RAVER1: variants seen among roughly 807,000 people sequenced by gnomAD.
The protein encoded by RAVER1 is ribonucleoprotein PTB-binding 1.
RAVER1 carries 36 observed loss-of-function variants against 68.4 expected under a neutral mutation model. That is an observed-to-expected ratio of 0.53 (90% confidence interval 0.40 to 0.70). The LOEUF (loss-of-function observed/expected upper bound fraction) is 0.70. RAVER1 is among the 30% of genes least tolerant of loss of function. The pLI is 0.00. For synonymous variants in RAVER1, 469 were observed against 472.7 expected, an observed-to-expected ratio of 0.99 and a Z score of 0.10; for missense variants, 933 against 1,019.8, an observed-to-expected ratio of 0.91 and a Z score of 1.16.
chr19:10,317,671 CCCCACCCCCTG>C lies in RAVER1; in HGVS notation c.2073+8_2073+18del. 3 of 1,553,900 alleles carry C rather than the reference CCCCACCCCCTG, an allele frequency of 1.9e-6. No homozygotes were observed. Among genetic ancestry groups the C allele is most frequent in the Non-Finnish European group, 1.7e-6 (2 of 1,144,810 alleles). On this transcript the variant is annotated splice_region_variant and intron_variant, in intron 12 of 12. Coordinates refer to ENST00000617231, the MANE Select transcript of RAVER1 (RefSeq NM_133452.3). The surrounding 1 kb of genome is among the most constrained non-coding windows in gnomAD (Gnocchi z 4.3). Reference sequence around the variant, plus strand: ...GCCGGGGCTTCCCAGCCCTGCATGTCCCCACCCCCTGCCCGTACCTTCAGCAGGTGGCTGTG... The same window carrying C: ...GCCGGGGCTTCCCAGCCCTGCATGTCCCCGTACCTTCAGCAGGTGGCTGTG...
chr19:10,329,022 G>A lies in RAVER1; in HGVS notation c.376C>T (p.Gln126Ter). The A allele has an allele frequency of 6.4e-7, 1 of 1,564,916 alleles. No homozygotes were observed. The highest frequency in any genetic ancestry group is 8.7e-7 in the Non-Finnish European group (1 of 1,152,542). The change falls in exon 3 of 13, where the codon CAG (glutamine) becomes TAG (stop). Residue 126 changes from glutamine (Q) to a stop codon, truncating the protein, a stop_gained. Transcript: ENST00000617231. LOFTEE classifies it high-confidence loss of function. This position sits in a 1 kb window ranked among gnomAD's most constrained non-coding sequence, Gnocchi z 4.6. ...SRLRERELSV[Q>*]LQPTDALLCV... is the part of the protein sequence containing the mutation. ...AGCAGGGCATCCGTGGGCTGCAGCTGCACCGACAGTTCACGCTCCCGCAGG... is the reference window on the plus strand; with the variant it reads ...AGCAGGGCATCCGTGGGCTGCAGCTACACCGACAGTTCACGCTCCCGCAGG...
chr19:10,332,021 G>A lies in RAVER1; in HGVS notation c.219+1268C>T, dbSNP rs180723333. 1.1e-3 allele frequency among the ~76,000 whole-genome samples: 164 copies of A among 152,172 alleles called. 2 individuals carry two copies. Among genetic ancestry groups the A allele is most frequent in the African/African-American group, 3.8e-3 (158 of 41,530 alleles). ...TATTTTTCTTTTTTTTAGAGATAGTGTCTTGTTCTGTCACCTAGGCTAGAG... is the reference window on the plus strand; with the variant it reads ...TATTTTTCTTTTTTTTAGAGATAGTATCTTGTTCTGTCACCTAGGCTAGAG... On this transcript the variant is annotated intron_variant, in intron 1 of 12. Transcript: ENST00000617231.
Position 10,323,446 on chromosome 19 carries a change from G to C in RAVER1, c.877C>G (p.Arg293Gly), listed in dbSNP as rs1269613831. ...DGLSLGGSHL[R>G]VSFCAPGPPG... The stretch of plus-strand genomic sequence containing the variant: ...GGCCCAGGGGCGCAGAAGGAGACTC[G>C]CAGGTGGCTGCCCCCCAGGGACAGG... Residue 293 changes from arginine (R) to glycine (G), a missense_variant, in exon 4 of 13, where the codon CGA becomes GGA. By Grantham distance (125) the Arg-to-Gly change is moderately radical. Coordinates refer to ENST00000617231, the MANE Select transcript of RAVER1 (RefSeq NM_133452.3). This position sits in a 1 kb window ranked among gnomAD's most constrained non-coding sequence, Gnocchi z 6.2. 7.5e-6 allele frequency: 12 copies of C among 1,609,376 alleles called. No individual in the cohort carries two copies. Among genetic ancestry groups the C allele is most frequent in the Non-Finnish European group, 1.0e-5 (12 of 1,179,224 alleles).
At chr19:10,324,170 A>G (rs909355030) in intron 3 of RAVER1, among the ~76,000 whole-genome samples, 5 of 151,608 alleles carry the variant, frequency 3.3e-5, no homozygotes, top group African/African-American at 1.2e-4. Context: ...AAAAAAAAAA[A>G]AAGAGATAAT....
In RAVER1 at chr19:10,319,156, T is replaced by G; in HGVS notation, c.1845+10A>C. 1.2e-6 allele frequency: 2 copies of G among 1,613,508 alleles called. No individual in the cohort carries two copies. The highest frequency in any genetic ancestry group is 1.7e-6 in the Non-Finnish European group (2 of 1,179,504). Reference sequence around the variant, plus strand: ...TGATTGCTACACATGCCATACCAGGTGGCTCTTACCTTGTGTCGGCTGGGT... The same window carrying G: ...TGATTGCTACACATGCCATACCAGGGGGCTCTTACCTTGTGTCGGCTGGGT... On this transcript the variant is annotated intron_variant, in intron 10 of 12. Coordinates refer to ENST00000617231, the MANE Select transcript of RAVER1 (RefSeq NM_133452.3).
At chr19:10,319,037 C>T in intron 10 of RAVER1, 129 bp downstream of exon 10, 1 of 806,880 alleles carries the variant, frequency 1.2e-6, no homozygotes, top group East Asian at 3.0e-5. Context: ...ACAGTGAGAT[C>T]CTGTCTTAAA....
In RAVER1 at chr19:10,320,934, C is replaced by T; in HGVS notation, c.1491G>A (p.Glu497=). The T allele has an allele frequency of 6.7e-7, 1 of 1,493,634 alleles. No individual in the cohort carries two copies. The highest frequency in any genetic ancestry group is 8.9e-7 in the Non-Finnish European group (1 of 1,127,514). 92.5% of individuals were successfully genotyped at this position (1,493,634 alleles called of 1,614,324 possible). Residue 497 remains glutamate (E), a synonymous_variant, in exon 9 of 13, where the codon GAG becomes GAA. Coordinates refer to ENST00000617231, the MANE Select transcript of RAVER1 (RefSeq NM_133452.3). ...GGGGAATCCGGTAGTCCTTGGGGGG[C>T]TCCCCCAGCAGTGAGACCTGTGGCG... The part of the protein sequence containing the change: ...PTPPGVSLLG[E]PPKDYRIPLN...
At chr19:10,331,846 T>A (rs1047865317) in intron 1 of RAVER1, among the ~76,000 whole-genome samples, 1 of 152,086 alleles carries the variant, frequency 6.6e-6, no homozygotes, top group Non-Finnish European at 1.5e-5. Flanking sequence ...AGTGAAGAGA[T>A]CTGCTGGAGG....
Position 10,316,690 on chromosome 19 carries a change from G to A in RAVER1, c.*764C>T. 1 of 461,266 alleles carries A rather than the reference G, an allele frequency of 2.2e-6. No homozygotes were observed. Among genetic ancestry groups the A allele is most frequent in the South Asian group, 9.2e-5 (1 of 10,898 alleles). The allele number at this position is 461,266 out of a possible 1,614,324, so 28.6% of individuals were successfully genotyped here. ...CCCCTTCTACTGTCCCCAGGGTGGA[G>A]ATCCTGGGTAGGGTGGCCCAATCCC... On this transcript the variant is annotated 3_prime_UTR_variant, in exon 13 of 13. Transcript: ENST00000617231.
chr19:10,318,419 A>C (rs896855656), intron 10 of RAVER1, 47 bp from the exon 11 acceptor site: 8 of 1,460,076 alleles, frequency 5.5e-6, no homozygotes, highest in Non-Finnish European at 7.4e-6. Flanking sequence ...TGTAGTACCC[A>C]GCCCTTTGTA....
chr19:10,330,734 C>T (rs900106336), intron 1 of RAVER1, among the ~76,000 whole-genome samples: 7 of 152,216 alleles, frequency 4.6e-5, no homozygotes, highest in Non-Finnish European at 8.8e-5. Flanking sequence ...TAGCTGCAGA[C>T]TGTGCTATTA....
At position 10,333,386 on chromosome 19, in the gene RAVER1, G is replaced by A. The variant is rs966143215; in HGVS notation, c.122C>T (p.Pro41Leu). The change falls in exon 1 of 13, where the codon CCA becomes CTA. Residue 41 changes from proline (P) to leucine (L), a missense_variant. This residue lies in a region of RAVER1 where 211 missense variants were observed against 230.0 expected (regional missense o/e 0.92). Transcript: ENST00000617231. The surrounding 1 kb of genome is among the most constrained non-coding windows in gnomAD (Gnocchi z 4.2). ...APEEELPPLDPEEIRKRLEHT... is the reference protein window; with the variant it reads ...APEEELPPLDLEEIRKRLEHT... The stretch of plus-strand genomic sequence containing the variant: ...TTCCAGGCGTTTCCGGATCTCTTCT[G>A]GATCTAGAGGCGGCAGCTCTTCTTC... 5.6e-6 allele frequency: 9 copies of A among 1,613,886 alleles called. No homozygotes were observed. Among genetic ancestry groups the A allele is most frequent in the Non-Finnish European group, 7.6e-6 (9 of 1,179,790 alleles).
chr19:10,332,644 C>T (rs552677347), intron 1 of RAVER1, among the ~76,000 whole-genome samples: 109 of 152,312 alleles, frequency 7.2e-4, no homozygotes, highest in Middle Eastern at 3.4e-3. Context: ...AGCGCTGCCC[C>T]ATGCTGGCCC....
Position 10,319,192 on chromosome 19 carries a change from C to G in RAVER1, c.1819G>C (p.Gly607Arg). 2 of 1,613,870 alleles carry G rather than the reference C, an allele frequency of 1.2e-6. No individual in the cohort carries two copies. Among genetic ancestry groups the G allele is most frequent in the South Asian group, 1.1e-5 (1 of 91,084 alleles). ...TTGTGTCGGCTGGGTCCGTGAGGCC[C>G]AAGGGCTGGTTCCCGTGGGTGGGAG... ...LFSHPREPAL[G>R]PHGPSRHKMS... The change falls in exon 10 of 13, where the codon GGG becomes CGG. Residue 607 changes from glycine to arginine, a missense_variant. Coordinates refer to ENST00000617231, the MANE Select transcript of RAVER1 (RefSeq NM_133452.3).
intron 3 of RAVER1, among the ~76,000 whole-genome samples, chr19:10,325,030 T>A (rs2040464496): frequency 6.6e-6 from 1 of 151,876 alleles, no homozygotes; most frequent in Non-Finnish European, 1.5e-5. Flanking sequence ...CACATAATTT[T>A]TTTTTTTTTT....
chr19:10,325,646 C>T (rs1568312333), intron 3 of RAVER1, among the ~76,000 whole-genome samples: 1 of 152,124 alleles, frequency 6.6e-6, no homozygotes, highest in Non-Finnish European at 1.5e-5. Flanking sequence ...CCGGCCTCTA[C>T]ATAAAATTTT....
chr19:10,322,720 TG>T lies in RAVER1; in HGVS notation c.1097del (p.Pro366GlnfsTer141), dbSNP rs768618392. On this transcript the variant is annotated frameshift_variant, in exon 6 of 13. Transcript: ENST00000617231. LOFTEE classifies it high-confidence loss of function. The surrounding 1 kb of genome is among the most constrained non-coding windows in gnomAD (Gnocchi z 4.3). ...GGKQGLLGAP[P>X]AMPLLNGPAL... ...CTGGCCCATTGAGCAGCGGCATGGCTGGGGGGGCACCCAGGAGGCCTGGAGG... is the reference window on the plus strand; with the variant it reads ...CTGGCCCATTGAGCAGCGGCATGGCTGGGGGGCACCCAGGAGGCCTGGAGG... 26 of 1,514,230 alleles carry T rather than the reference TG, an allele frequency of 1.7e-5. No homozygotes were observed. The highest frequency in any genetic ancestry group is 5.3e-5 in the South Asian group (4 of 74,852). The allele number at this position is 1,514,230 out of a possible 1,614,324, so 93.8% of individuals were successfully genotyped here. A position where few individuals can be genotyped will look rare whatever the true frequency, so the allele number is the denominator to read the frequency against.
At position 10,329,110 on chromosome 19, in the gene RAVER1, G is replaced by A. The variant is rs573038880; in HGVS notation, c.288C>T (p.Ala96=). 37 of 1,465,042 alleles carry A rather than the reference G, an allele frequency of 2.5e-5. No individual in the cohort carries two copies. In the South Asian group the frequency reaches 4.1e-4, roughly 16 times the overall value. 90.8% of individuals were successfully genotyped at this position (1,465,042 alleles called of 1,614,324 possible). Residue 96 remains alanine, a splice_region_variant and synonymous_variant, in exon 3 of 13, where the codon GCC becomes GCT. Coordinates refer to ENST00000617231, the MANE Select transcript of RAVER1 (RefSeq NM_133452.3). The surrounding 1 kb of genome is among the most constrained non-coding windows in gnomAD (Gnocchi z 4.6). ...YCFVDKYKGT[A]FVTLLNGEQA... Reference sequence around the variant, plus strand: ...GCTCCCCATTCAGCAGGGTCACGAAGGCTGCGGTGGGAGGAGGGCAGTGCG... The same window carrying A: ...GCTCCCCATTCAGCAGGGTCACGAAAGCTGCGGTGGGAGGAGGGCAGTGCG...
At chr19:10,318,488 A>C in intron 10 of RAVER1, 116 bp from the exon 11 acceptor site, 1 of 766,858 alleles carries the variant, frequency 1.3e-6, no homozygotes, top group Non-Finnish European at 2.1e-6. Context: ...CCTCCCGAGT[A>C]GCTGGGATTA....
Sources: gnomAD v4.1 joint callset for allele counts (sites outside exome capture counted in the v4.1 genomes callset) on GRCh38, gnomAD v4.1.1 for gene constraint, gnomAD v4.1.1 regional missense constraint, Gnocchi (gnomAD v3.1) non-coding constraint, MANE v1.5 for transcripts, NCBI Gene and HGNC (gene_info 2026-07-23, HGNC 2026-07-21) for gene names.